The following TRMT11 variants were observed in gnomAD, a reference collection of about 807,000 sequenced individuals.
The protein encoded by TRMT11 is tRNA (guanine(10)-N(2))-methyltransferase TRMT11.
A neutral mutation model predicts 62.8 loss-of-function variants in TRMT11; 53 were observed. The ratio of observed to expected loss-of-function variants is 0.84; its 90% CI spans 0.68 to 1.06. The LOEUF (loss-of-function observed/expected upper bound fraction) is 1.06, where lower values mean the gene tolerates loss of function less well. Ranked by LOEUF, TRMT11 falls within the 50% of genes least tolerant of loss-of-function variation. The pLI is 0.00. For missense variants in TRMT11, 556 were observed against 553.4 expected, an observed-to-expected ratio of 1.00 and a Z score of -0.05; for synonymous variants, 188 against 190.3, an observed-to-expected ratio of 0.99 and a Z score of 0.10.
Position 126,064,311 on chromosome 6 carries a change from G to A in TRMT11, c.*1437+11121G>A, listed in dbSNP as rs1485628794. Among the ~76,000 whole-genome samples the A allele has an allele frequency of 2.0e-5, 3 of 152,198 alleles. No individual in the cohort carries two copies. In the South Asian group the frequency reaches 6.2e-4, roughly 32 times the overall value. On this transcript the variant is annotated intron_variant and NMD_transcript_variant, in intron 17 of 22. Coordinates refer to the TRMT11 transcript ENST00000648977. The stretch of plus-strand genomic sequence containing the variant: ...CTGCCTGTGAGATGACCGATACCCT[G>A]GATTAAACCACAGCTCTGTGGACCC...
At chr6:126,049,281 T>C (rs907779809) in intron 16 of TRMT11, among the ~76,000 whole-genome samples, 1 of 152,308 alleles carries the variant, frequency 6.6e-6, no homozygotes, top group East Asian at 1.9e-4. Context: ...ATAGTTTGAG[T>C]CTCAGGCCAA....
At chr6:126,137,592 A>T (rs1474446490) in intron 21 of TRMT11, among the ~76,000 whole-genome samples, 3 of 151,854 alleles carry the variant, frequency 2.0e-5, no homozygotes, top group African/African-American at 7.2e-5. Flanking sequence ...TAGTACTACT[A>T]TATGATTAAT....
chr6:126,215,686 G>C, the TRMT11 span, among the ~76,000 whole-genome samples: 1 of 151,662 alleles, frequency 6.6e-6, no homozygotes, highest in East Asian at 1.9e-4. Context: ...CATTAGTGAA[G>C]GTGATTTTCT....
At chr6:126,215,285 TGTTGAA>T in the TRMT11 span, among the ~76,000 whole-genome samples, 23 of 152,218 alleles carry the variant, frequency 1.5e-4, 1 homozygote, top group East Asian at 3.9e-3. Context: ...GAAAGTGGGG[TGTTGAA>T]GTCTTCAACT....
chr6:126,037,232 G>T (rs1047281615), intron 12 of TRMT11, among the ~76,000 whole-genome samples: 4 of 151,890 alleles, frequency 2.6e-5, no homozygotes, highest in African/African-American at 7.3e-5. Flanking sequence ...CACTTACCAG[G>T]TGTATTATCT....
chr6:126,008,589 A>G, intron 8 of TRMT11, 117 bp downstream of exon 8: 2 of 882,122 alleles, frequency 2.3e-6, no homozygotes, highest in Non-Finnish European at 3.8e-6. Flanking sequence ...ACTTATACTC[A>G]GATTTATTTC....
intron 8 of TRMT11, among the ~76,000 whole-genome samples, 167 bp from the exon 9 acceptor site, chr6:126,011,086 G>A (rs1794106525): frequency 6.6e-6 from 1 of 152,096 alleles, no homozygotes. Context: ...CTGTTATGTT[G>A]AAATTAAAAT....
the TRMT11 span, among the ~76,000 whole-genome samples, chr6:126,239,605 G>T: frequency 6.6e-6 from 1 of 152,092 alleles, no homozygotes; most frequent in African/African-American, 2.4e-5. Context: ...TTCCCTTTGT[G>T]GGCAACCTGA....
At chr6:126,145,912 A>G (rs1358857561) in intron 21 of TRMT11, among the ~76,000 whole-genome samples, 1 of 152,130 alleles carries the variant, frequency 6.6e-6, no homozygotes, top group African/African-American at 2.4e-5. Context: ...TTAAAAATAA[A>G]TCTCCAGGTG....
rs1404584144 is a variant in TRMT11, at chr6:126,146,391, G to T, written c.*1824-28434G>T. Among the ~76,000 whole-genome samples, 4 of 152,258 alleles carry T rather than the reference G, an allele frequency of 2.6e-5. No individual in the cohort carries two copies. The East Asian group carries it at 7.7e-4, about 29-fold the overall frequency. ...GGAAAAAGTAGCAGCAGGATTAGGC[G>T]ATGGATTCAAATTCCAACTCTCTTC... On this transcript the variant is annotated intron_variant and NMD_transcript_variant, in intron 21 of 22. Transcript: ENST00000648977.
chr6:126,075,088 T>C (rs1776979931), intron 17 of TRMT11, among the ~76,000 whole-genome samples: 1 of 152,190 alleles, frequency 6.6e-6, no homozygotes, highest in Non-Finnish European at 1.5e-5. Flanking sequence ...GCTATTGTGT[T>C]CTAAATGCCA....
chr6:126,094,085 A>C (rs1288179207), intron 17 of TRMT11, among the ~76,000 whole-genome samples: 1 of 151,508 alleles, frequency 6.6e-6, no homozygotes, highest in East Asian at 1.9e-4. Context: ...TGTAATAGAA[A>C]ATGTGATACA....
intron 21 of TRMT11, among the ~76,000 whole-genome samples, chr6:126,128,623 T>C (rs1777744801): frequency 6.6e-6 from 1 of 152,088 alleles, no homozygotes; most frequent in Non-Finnish European, 1.5e-5. Flanking sequence ...TTGCACATTT[T>C]TGTAATCCCC....
intron 1 of TRMT11, among the ~76,000 whole-genome samples, chr6:125,992,558 A>G (rs1397436701): frequency 2.0e-5 from 3 of 152,158 alleles, no homozygotes; most frequent in Non-Finnish European, 4.4e-5. Context: ...CTTAATAACC[A>G]CCTAGGTTCT....
chr6:126,185,229 TAGAGTC>T (rs1778513819), intron 1 of TRMT11, among the ~76,000 whole-genome samples: 1 of 152,294 alleles, frequency 6.6e-6, no homozygotes, highest in African/African-American at 2.4e-5. Context: ...AAGTGAAGGA[TAGAGTC>T]AGTAGGACTA....
the TRMT11 span, among the ~76,000 whole-genome samples, chr6:126,262,912 C>T: frequency 6.6e-6 from 1 of 151,900 alleles, no homozygotes; most frequent in Non-Finnish European, 1.5e-5. Context: ...TCCTAAGTCT[C>T]ACTAGTCAAA....
intron 12 of TRMT11, among the ~76,000 whole-genome samples, chr6:126,028,623 T>A (rs867516692): frequency 7.2e-5 from 11 of 152,194 alleles, no homozygotes; most frequent in African/African-American, 2.7e-4. Flanking sequence ...GTACTTTTTC[T>A]TGAGTTTACA....
exon 21 of TRMT11, among the ~76,000 whole-genome samples, chr6:126,115,807 G>T: frequency 6.6e-6 from 1 of 152,084 alleles, no homozygotes; most frequent in Middle Eastern, 3.4e-3. Flanking sequence ...GCTTCTTCCT[G>T]TTCCCATTAG....
At chr6:126,271,451 T>G in the TRMT11 span, among the ~76,000 whole-genome samples, 14 of 151,372 alleles carry the variant, frequency 9.2e-5, no homozygotes, top group African/African-American at 3.2e-4. Context: ...TTAATAATTT[T>G]CACATTCTAT....
Sources: allele counts gnomAD v4.1 joint callset (sites outside exome capture counted in the v4.1 genomes callset), GRCh38; gene constraint gnomAD v4.1.1; transcripts MANE v1.5; gene names NCBI Gene and HGNC (gene_info 2026-07-23, HGNC 2026-07-21).